The following TEKT5 variants were observed in gnomAD, a reference collection of about 807,000 sequenced individuals.
The protein encoded by TEKT5 is tektin-5.
TEKT5 carries 52 observed loss-of-function variants against 48.7 expected under a neutral mutation model. The ratio of observed to expected loss-of-function variants is 1.07; its 90% CI spans 0.86 to 1.35. The LOEUF (loss-of-function observed/expected upper bound fraction) is 1.35. TEKT5 is among the 40% of genes most tolerant of loss of function. TEKT5 has a pLI of 0.00. For synonymous variants in TEKT5, 318 were observed against 267.6 expected (o/e 1.19, Z -1.84); for missense variants, 831 against 641.6 (o/e 1.30, Z -3.19).
Position 10,689,258 on chromosome 16 carries a change from C to G in TEKT5, c.714G>C (p.Gln238His). 1 of 1,605,398 alleles carries G rather than the reference C, an allele frequency of 6.2e-7. No individual in the cohort carries two copies. The highest frequency in any genetic ancestry group is 1.1e-5 in the South Asian group (1 of 88,986). The change falls in exon 3 of 7, where the codon CAG becomes CAC. Residue 238 changes from glutamine (Q) to histidine (H), a missense_variant. Physicochemically the swap from Gln to His is conservative, Grantham distance 24. Coordinates refer to ENST00000283025, the MANE Select transcript of TEKT5 (RefSeq NM_144674.2). ...MRKLAQRIDI[Q>H]MRDNRDAQHV... is the part of the protein sequence containing the mutation. ...AAAAAAAAAAAAGCCCTTACCGCATCTGGATATCAATTCTTTGAGCTAATT... is the reference window on the plus strand; with the variant it reads ...AAAAAAAAAAAAGCCCTTACCGCATGTGGATATCAATTCTTTGAGCTAATT...
At chr16:10,639,283 GA>G (rs550567953) in intron 5 of TEKT5, among the ~76,000 whole-genome samples, 3,372 of 151,816 alleles carry the variant, frequency 0.022, 128 homozygotes, top group African/African-American at 0.078. Flanking sequence ...CTCCAGCCTG[GA>G]GTCCAAAAAA....
At chr16:10,643,232 T>C (rs1462740986) in intron 5 of TEKT5, among the ~76,000 whole-genome samples, 1 of 151,810 alleles carries the variant, frequency 6.6e-6, no homozygotes, top group Non-Finnish European at 1.5e-5. Context: ...AAAAAAAATT[T>C]TCTGGGCCTG....
intron 6 of TEKT5, among the ~76,000 whole-genome samples, chr16:10,630,260 A>C (rs1897819564): frequency 6.6e-6 from 1 of 151,168 alleles, no homozygotes; most frequent in Non-Finnish European, 1.5e-5. Context: ...TTTTTAGACC[A>C]GATCTCCCTC....
At chr16:10,677,962 G>A (rs1309203067) in intron 4 of TEKT5, among the ~76,000 whole-genome samples, 1 of 152,200 alleles carries the variant, frequency 6.6e-6, no homozygotes, top group African/African-American at 2.4e-5. Context: ...AGCAAAGGCA[G>A]GCAGGGAAGG....
chr16:10,689,777 G>A (rs1411751460), intron 2 of TEKT5, among the ~76,000 whole-genome samples, 165 bp downstream of exon 2: 1 of 152,056 alleles, frequency 6.6e-6, no homozygotes, highest in Non-Finnish European at 1.5e-5. Context: ...ATTACTCCCT[G>A]TTCCTAAATT....
chr16:10,679,934 A>C (rs1336755950), intron 4 of TEKT5, among the ~76,000 whole-genome samples: 1 of 152,110 alleles, frequency 6.6e-6, no homozygotes, highest in Non-Finnish European at 1.5e-5. Flanking sequence ...GAAAACCACA[A>C]ATACAAAGCC....
At chr16:10,657,196 G>A (rs1004447316) in intron 5 of TEKT5, among the ~76,000 whole-genome samples, 3 of 150,846 alleles carry the variant, frequency 2.0e-5, no homozygotes, top group African/African-American at 7.3e-5. Context: ...TGTGATCTTG[G>A]TTCACTGCAA....
chr16:10,665,499 C>T (rs1596411207), intron 5 of TEKT5, among the ~76,000 whole-genome samples: 1 of 152,226 alleles, frequency 6.6e-6, no homozygotes, highest in Non-Finnish European at 1.5e-5. Flanking sequence ...TTCTCTCCAT[C>T]TCCTGCATGG....
At chr16:10,627,887 G>A in intron 6 of TEKT5, 88 bp from the exon 7 acceptor site, 5 of 1,287,696 alleles carry the variant, frequency 3.9e-6, no homozygotes, top group Middle Eastern at 2.7e-4. Context: ...CTGTCACCCA[G>A]GCTGGAGTGC....
intron 4 of TEKT5, among the ~76,000 whole-genome samples, chr16:10,679,441 G>A (rs1898706262): frequency 6.7e-6 from 1 of 148,892 alleles, no homozygotes; most frequent in Admixed American, 6.7e-5. Context: ...TGGTGACAGA[G>A]CGAGACTCTG....
At chr16:10,636,257 C>T (rs1897912057) in intron 5 of TEKT5, among the ~76,000 whole-genome samples, 1 of 152,018 alleles carries the variant, frequency 6.6e-6, no homozygotes, top group Non-Finnish European at 1.5e-5. Context: ...CGCCTGTAAT[C>T]CCAGCTACTC....
At chr16:10,650,753 T>C (rs1898142994) in intron 5 of TEKT5, among the ~76,000 whole-genome samples, 1 of 151,802 alleles carries the variant, frequency 6.6e-6, no homozygotes, top group African/African-American at 2.4e-5. Flanking sequence ...GGCGTGGTGG[T>C]GTGTGCCTGT....
chr16:10,652,559 A>C (rs1160862148), intron 5 of TEKT5, among the ~76,000 whole-genome samples: 65 of 117,572 alleles, frequency 5.5e-4, no homozygotes, highest in African/African-American at 8.2e-4. Context: ...ACACACACAC[A>C]CCCCCTCCAG....
intron 4 of TEKT5, among the ~76,000 whole-genome samples, chr16:10,678,372 C>T (rs150311610): frequency 5.6e-4 from 85 of 152,298 alleles, no homozygotes; most frequent in African/African-American, 2.0e-3. Flanking sequence ...GCTGGAATTA[C>T]GGGTCTGAGC....
At chr16:10,680,076 C>T (rs1898720190) in intron 4 of TEKT5, among the ~76,000 whole-genome samples, 1 of 152,204 alleles carries the variant, frequency 6.6e-6, no homozygotes, top group African/African-American at 2.4e-5. Flanking sequence ...CTGGGGCTGC[C>T]AGGTTTCTGG....
intron 1 of TEKT5, among the ~76,000 whole-genome samples, chr16:10,692,393 G>A (rs1302829269): frequency 6.6e-6 from 1 of 152,120 alleles, no homozygotes; most frequent in Non-Finnish European, 1.5e-5. Flanking sequence ...AGATCCGGAG[G>A]CAGGATCTCT....
At chr16:10,664,031 A>G (rs1398877456) in intron 5 of TEKT5, among the ~76,000 whole-genome samples, 1 of 152,230 alleles carries the variant, frequency 6.6e-6, no homozygotes. Flanking sequence ...TGCCTGAGAG[A>G]CCAATATGCT....
intron 5 of TEKT5, among the ~76,000 whole-genome samples, chr16:10,657,817 T>C (rs58266191): frequency 6.6e-6 from 1 of 150,794 alleles, no homozygotes; most frequent in Non-Finnish European, 1.5e-5. Flanking sequence ...AGCCAGGATG[T>C]TCTCGATCTC....
intron 1 of TEKT5, among the ~76,000 whole-genome samples, chr16:10,693,672 G>C (rs1325844152): frequency 6.6e-6 from 1 of 152,236 alleles, no homozygotes; most frequent in Non-Finnish European, 1.5e-5. Context: ...TAAATGATAA[G>C]TATTACGGGG....
Sources: allele counts gnomAD v4.1 joint callset (sites outside exome capture counted in the v4.1 genomes callset), GRCh38; gene constraint gnomAD v4.1.1; transcripts MANE v1.5; gene names NCBI Gene and HGNC (gene_info 2026-07-23, HGNC 2026-07-21).